Variants in MAB21L3 observed in about 807,000 individuals in gnomAD.
MAB21L3 encodes the protein mab-21 like 3.
In MAB21L3, 36 loss-of-function variants were observed where a neutral mutation model predicts 37.7. The observed-to-expected ratio is 0.96, with a 90% CI of 0.73 to 1.26. The LOEUF is 1.26. Ranked by LOEUF, MAB21L3 falls within the 50% of genes most tolerant of loss-of-function variation. MAB21L3 has a pLI of 0.00. For missense variants in MAB21L3, 430 were observed against 447.3 expected (o/e 0.96, Z 0.35); for synonymous variants, 186 against 176.8 (o/e 1.05, Z -0.41).
rs1291453971 is a variant in MAB21L3, at chr1:116,128,187, C to T, written c.703C>T (p.Gln235Ter). 1 of 1,613,772 alleles carries T rather than the reference C, an allele frequency of 6.2e-7. No individual in the cohort carries two copies. The highest frequency in any genetic ancestry group is 1.7e-5 in the Admixed American group (1 of 59,936). Residue 235 changes from glutamine (Q) to a stop codon, truncating the protein, a stop_gained, in exon 7 of 8, where the codon CAG becomes TAG. Transcript: ENST00000369500. LOFTEE classifies it high-confidence loss of function. Reference sequence around the variant, plus strand: ...GTTGGCCTGTTCAAATTATCACTGGCAGCTGAGCTTCCTCCGTGCTGAGCA... The same window carrying T: ...GTTGGCCTGTTCAAATTATCACTGGTAGCTGAGCTTCCTCCGTGCTGAGCA... ...NLLACSNYHWQLSFLRAEQVL... is the reference protein window; with the variant it reads ...NLLACSNYHW
Position 116,121,005 on chromosome 1 carries a change from A to G in MAB21L3, c.122A>G (p.Asn41Ser). ...AAAGTCGTTCATCATTTGACCACAA[A>G]CATCAGCAACCAAGACATTAGATTT... ...VQKVVHHLTT[N>S]ISNQDIRFQA... The change falls in exon 4 of 8, where the codon AAC (asparagine) becomes AGC (serine). Residue 41 changes from asparagine to serine, a missense_variant. Physicochemically the swap from Asn to Ser is conservative, Grantham distance 46. Coordinates refer to ENST00000369500, the MANE Select transcript of MAB21L3 (RefSeq NM_152367.3). The G allele has an allele frequency of 6.2e-7, 1 of 1,614,096 alleles. No individual in the cohort carries two copies. The highest frequency in any genetic ancestry group is 8.5e-7 in the Non-Finnish European group (1 of 1,179,994).
intron 3 of MAB21L3, among the ~76,000 whole-genome samples, chr1:116,113,283 G>A (rs979343114): frequency 1.3e-5 from 2 of 152,190 alleles, no homozygotes; most frequent in African/African-American, 4.8e-5. Context: ...CTAAGAAGTA[G>A]GCACTGGTCT....
At chr1:116,114,440 G>A (rs1174688432) in intron 3 of MAB21L3, among the ~76,000 whole-genome samples, 1 of 152,192 alleles carries the variant, frequency 6.6e-6, no homozygotes, top group Non-Finnish European at 1.5e-5. Flanking sequence ...GGAAACAGAG[G>A]CTTGTGGAGA....
At position 116,135,563 on chromosome 1, in the gene MAB21L3, G is replaced by C; in HGVS notation, c.*2198G>C. Among the ~76,000 whole-genome samples the C allele has an allele frequency of 6.6e-6, 1 of 152,226 alleles. No homozygotes were observed. The highest frequency in any genetic ancestry group is 1.9e-4 in the East Asian group (1 of 5,194). ...CTACCAGAGGTACAAGGAGGAACTA[G>C]TACCATTCCTTCTGAAACTATTCCA... On this transcript the variant is annotated 3_prime_UTR_variant, in exon 8 of 8. Coordinates refer to ENST00000369500, the MANE Select transcript of MAB21L3 (RefSeq NM_152367.3).
At chr1:116,124,471 A>C in intron 5 of MAB21L3, 114 bp downstream of exon 5, 1 of 930,632 alleles carries the variant, frequency 1.1e-6, no homozygotes, top group Non-Finnish European at 1.6e-6. Flanking sequence ...GAAAATAATC[A>C]TGTGCTCTTC....
Position 116,135,964 on chromosome 1 carries a change from G to C in MAB21L3, c.*2599G>C, listed in dbSNP as rs1168427897. Among the ~76,000 whole-genome samples, 2 of 151,168 alleles carry C rather than the reference G, an allele frequency of 1.3e-5. No homozygotes were observed. Among genetic ancestry groups the C allele is most frequent in the Non-Finnish European group, 2.9e-5 (2 of 67,966 alleles). On this transcript the variant is annotated 3_prime_UTR_variant, in exon 8 of 8. Transcript: ENST00000369500. ...AAAAACTCTCAATAAATTAGGTATTGATGGGACGTATTTCAAAATAATAAG... is the reference window on the plus strand; with the variant it reads ...AAAAACTCTCAATAAATTAGGTATTCATGGGACGTATTTCAAAATAATAAG...
rs1660170212 is a variant in MAB21L3, at chr1:116,134,928, A to C, written c.*1563A>C. ...GTTTTTGCCCAAATGTCTATACCAA[A>C]GATAAATTTCTAAAGCATGAACTAC... On this transcript the variant is annotated 3_prime_UTR_variant, in exon 8 of 8. Transcript: ENST00000369500. 6.6e-6 allele frequency: 1 copy of C among 152,230 alleles called. No homozygotes were observed. Among genetic ancestry groups the C allele is most frequent in the Non-Finnish European group, 1.5e-5 (1 of 68,046 alleles). 9.4% of individuals were successfully genotyped at this position (152,230 alleles called of 1,614,324 possible).
At chr1:116,131,306 T>C (rs1034698202) in intron 7 of MAB21L3, among the ~76,000 whole-genome samples, 1 of 152,182 alleles carries the variant, frequency 6.6e-6, no homozygotes, top group Admixed American at 6.5e-5. Flanking sequence ...AAGTGTGCCC[T>C]ATGCAGCCGA....
At chr1:116,124,549 T>A (rs1340650767) in intron 5 of MAB21L3, among the ~76,000 whole-genome samples, 192 bp downstream of exon 5, 2 of 152,202 alleles carry the variant, frequency 1.3e-5, no homozygotes, top group Non-Finnish European at 2.9e-5. Flanking sequence ...AAGATTGGAA[T>A]TCATACTAAC....
At position 116,133,182 on chromosome 1, in the gene MAB21L3, G is replaced by A; in HGVS notation, c.906G>A (p.Gln302=). ...AATATCCCCACTTTAAAGACTGGCA[G>A]GTCTTCAGCAAAGCATTTCTGCGCC... The part of the protein sequence containing the change: ...CEKYPHFKDW[Q]VFSKAFLRLV... Residue 302 remains glutamine, a synonymous_variant, in exon 8 of 8, where the codon CAG becomes CAA. Transcript: ENST00000369500. The A allele has an allele frequency of 6.2e-7, 1 of 1,614,236 alleles. No homozygotes were observed. Among genetic ancestry groups the A allele is most frequent in the Non-Finnish European group, 8.5e-7 (1 of 1,180,032 alleles).
rs1038819603 is a variant in MAB21L3 at position 116,138,048 on chromosome 1, C to T, written c.*4683C>T. Among the ~76,000 whole-genome samples the T allele has an allele frequency of 1.1e-4, 16 of 150,462 alleles. No homozygotes were observed. Among genetic ancestry groups the T allele is most frequent in the Admixed American group, 6.6e-5 (1 of 15,150 alleles). ...AGATGACGAGTTAGTGGGTGCAGCG[C>T]ACCAGCATGGCACATGTATACATAT... is the stretch of plus-strand genomic sequence containing the variant. On this transcript the variant is annotated 3_prime_UTR_variant, in exon 8 of 8. Transcript: ENST00000369500.
Position 116,136,658 on chromosome 1 carries a change from C to A in MAB21L3, c.*3293C>A, listed in dbSNP as rs1038407529. Among the ~76,000 whole-genome samples the A allele has an allele frequency of 6.6e-6, 1 of 152,178 alleles. No homozygotes were observed. Among genetic ancestry groups the A allele is most frequent in the Non-Finnish European group, 1.5e-5 (1 of 68,034 alleles). On this transcript the variant is annotated 3_prime_UTR_variant, in exon 8 of 8. Coordinates refer to ENST00000369500, the MANE Select transcript of MAB21L3 (RefSeq NM_152367.3). ...TCATATGGAACCAAAAAAGAGCCTG[C>A]ATTGCCAAGTCAATTCTAAGCCAAA...
chr1:116,123,100 A>C (rs1659796835), intron 4 of MAB21L3, among the ~76,000 whole-genome samples: 1 of 152,190 alleles, frequency 6.6e-6, no homozygotes, highest in Non-Finnish European at 1.5e-5. Flanking sequence ...GCTTTCCAGG[A>C]GGAGGAGGCA....
At chr1:116,132,890 A>G (rs956675879) in intron 7 of MAB21L3, among the ~76,000 whole-genome samples, 3 of 152,132 alleles carry the variant, frequency 2.0e-5, no homozygotes, top group Non-Finnish European at 2.9e-5. Flanking sequence ...CATTGCCTGG[A>G]TTAGTGAACA....
At chr1:116,128,504 G>C (rs1383145765) in intron 7 of MAB21L3, among the ~76,000 whole-genome samples, 165 bp downstream of exon 7, 1 of 152,068 alleles carries the variant, frequency 6.6e-6, no homozygotes, top group Non-Finnish European at 1.5e-5. Flanking sequence ...AAATTACTAC[G>C]TATTATGGAA....
chr1:116,121,786 G>C (rs149960464), intron 4 of MAB21L3, among the ~76,000 whole-genome samples: 1 of 152,216 alleles, frequency 6.6e-6, no homozygotes, highest in Non-Finnish European at 1.5e-5. Context: ...AGTGAGGGCA[G>C]AGCTGTACAC....
Position 116,124,248 on chromosome 1 carries a change from G to T in MAB21L3, c.372G>T (p.Trp124Cys). 1 of 1,614,206 alleles carries T rather than the reference G, an allele frequency of 6.2e-7. No homozygotes were observed. The highest frequency in any genetic ancestry group is 8.5e-7 in the Non-Finnish European group (1 of 1,180,040). Residue 124 changes from tryptophan to cysteine, a missense_variant, in exon 5 of 8, where the codon TGG becomes TGT. Trp to Cys is a radical substitution (Grantham distance 215). Coordinates refer to ENST00000369500, the MANE Select transcript of MAB21L3 (RefSeq NM_152367.3). ...TGGAACAGTTTATGAAGAGCCTGTG[G>T]CAGTGGCATGAGACAGATGTGAACA... The part of the protein sequence containing the change: ...LEVEQFMKSL[W>C]QWHETDVNID...
chr1:116,118,797 A>C (rs1015480342), intron 3 of MAB21L3, among the ~76,000 whole-genome samples: 1 of 151,996 alleles, frequency 6.6e-6, no homozygotes, highest in African/African-American at 2.4e-5. Flanking sequence ...CCTTTTTCCT[A>C]GCTAACGCCT....
intron 3 of MAB21L3, among the ~76,000 whole-genome samples, chr1:116,114,639 G>A (rs776916611): frequency 1.3e-5 from 2 of 152,192 alleles, no homozygotes; most frequent in Non-Finnish European, 2.9e-5. Flanking sequence ...CTGAGATGTG[G>A]CCTGCTAAAT....
Sources: gnomAD v4.1 joint callset for allele counts (sites outside exome capture counted in the v4.1 genomes callset) on GRCh38, gnomAD v4.1.1 for gene constraint, MANE v1.5 for transcripts, NCBI Gene and HGNC (gene_info 2026-07-23, HGNC 2026-07-21) for gene names.